NAV2: variants seen among roughly 807,000 people sequenced by gnomAD.
NAV2 encodes the protein neuron navigator 2, also known as helicase, APC down-regulated 1.
A neutral mutation model predicts 223.2 loss-of-function variants in NAV2; 54 were observed. The ratio of observed to expected loss-of-function variants is 0.24; its 90% confidence interval spans 0.19 to 0.30. The LOEUF is 0.30. Among genes scored for constraint, NAV2 ranks in the 10% least tolerant of loss-of-function variants. NAV2 has a pLI of 1.00. For missense variants in NAV2, 2,806 were observed against 3,147.5 expected, an observed-to-expected ratio of 0.89 and a Z score of 2.60; for synonymous variants, 1,279 against 1,239.3, an observed-to-expected ratio of 1.03 and a Z score of -0.67.
chr11:19,902,424 A>G lies in NAV2; in HGVS notation c.931+9830A>G, dbSNP rs56262079. 4.1e-3 allele frequency among the ~76,000 whole-genome samples: 618 copies of G among 152,220 alleles called. 1 individual carries two copies. Among genetic ancestry groups the G allele is most frequent in the Non-Finnish European group, 6.9e-3 (471 of 68,032 alleles). On this transcript the variant is annotated intron_variant, in intron 6 of 37. Coordinates refer to ENST00000349880, the MANE Select transcript of NAV2 (RefSeq NM_145117.5). The stretch of plus-strand genomic sequence containing the variant: ...TAAATATGGATACATTTCAAAACCA[A>G]TGTGTGAACTTATGGTTCTGCTATA...
intron 1 of NAV2, among the ~76,000 whole-genome samples, chr11:19,756,754 C>T (rs896183727): frequency 3.9e-5 from 6 of 152,224 alleles, no homozygotes; most frequent in Non-Finnish European, 5.9e-5. Context: ...AACAAATCTG[C>T]TCCTGCTGGG....
At chr11:19,463,110 G>T (rs953869718) in intron 1 of NAV2, among the ~76,000 whole-genome samples, 32 of 152,158 alleles carry the variant, frequency 2.1e-4, no homozygotes, top group African/African-American at 7.5e-4. Context: ...TCCAGGTCTG[G>T]ATTTGTTGTC....
At chr11:20,052,268 G>C (rs2058062136) in intron 17 of NAV2, among the ~76,000 whole-genome samples, 1 of 152,256 alleles carries the variant, frequency 6.6e-6, no homozygotes, top group Non-Finnish European at 1.5e-5. Flanking sequence ...ATTTTGAACA[G>C]TAATGTGAGG....
chr11:20,087,523 A>G (rs2019258), intron 26 of NAV2, among the ~76,000 whole-genome samples: 10,612 of 152,202 alleles, frequency 0.07, 747 homozygotes, highest in African/African-American at 0.18. Flanking sequence ...GGCAAAAGGA[A>G]TGGTAGTTGT....
intron 1 of NAV2, among the ~76,000 whole-genome samples, chr11:19,455,240 T>C: frequency 6.8e-6 from 1 of 147,064 alleles, no homozygotes; most frequent in Non-Finnish European, 1.5e-5. Context: ...ACTTGGGTGA[T>C]ATAATGTAAT....
intron 2 of NAV2, among the ~76,000 whole-genome samples, chr11:19,833,325 A>G (rs907409892): frequency 3.9e-5 from 6 of 152,186 alleles, no homozygotes; most frequent in African/African-American, 9.6e-5. Flanking sequence ...AGGAGAGGAC[A>G]GGGCCCAGCC....
intron 16 of NAV2, 21 bp downstream of exon 16, chr11:20,049,922 G>A (rs1234182412): frequency 6.2e-7 from 1 of 1,612,736 alleles, no homozygotes; most frequent in South Asian, 1.1e-5. Flanking sequence ...TGCAGGCCGG[G>A]GACCAACCGA....
intron 1 of NAV2, among the ~76,000 whole-genome samples, chr11:19,831,684 C>T (rs995084282): frequency 1.1e-4 from 16 of 152,062 alleles, no homozygotes; most frequent in African/African-American, 3.4e-4. Flanking sequence ...TGGCCTGTTT[C>T]GAAAGAAAAT....
At position 19,621,349 on chromosome 11, in the gene NAV2, C is replaced by T. The variant is rs574714308; in HGVS notation, c.76-211135C>T. Among the ~76,000 whole-genome samples, 507 of 152,264 alleles carry T rather than the reference C, an allele frequency of 3.3e-3. 6 individuals are homozygous for T. Among genetic ancestry groups the T allele is most frequent in the African/African-American group, 0.012 (487 of 41,540 alleles). On this transcript the variant is annotated intron_variant, in intron 1 of 37. Transcript: ENST00000360655. ...GGAATGGTACCAGCTCCTCCTTATA[C>T]CTCTGGTAGAATTCGGCTGTGAATC...
chr11:19,362,970 A>G (rs1351404648), intron 1 of NAV2, among the ~76,000 whole-genome samples: 1 of 152,200 alleles, frequency 6.6e-6, no homozygotes, highest in Non-Finnish European at 1.5e-5. Flanking sequence ...CTTTACAACA[A>G]TCTGATGATG....
chr11:19,745,910 G>A (rs1390213007), intron 1 of NAV2, among the ~76,000 whole-genome samples: 1 of 152,162 alleles, frequency 6.6e-6, no homozygotes, highest in African/African-American at 2.4e-5. Flanking sequence ...AAGGTCTGGG[G>A]ACCCCTGACA....
intron 1 of NAV2, among the ~76,000 whole-genome samples, chr11:19,427,984 A>T (rs935087519): frequency 6.0e-5 from 9 of 151,234 alleles, no homozygotes; most frequent in Non-Finnish European, 1.0e-4. Context: ...TGTTTGGGGT[A>T]TTTTTTTTAA....
intron 1 of NAV2, among the ~76,000 whole-genome samples, chr11:19,541,486 G>T (rs138854807): frequency 6.6e-6 from 1 of 152,238 alleles, no homozygotes; most frequent in Non-Finnish European, 1.5e-5. Flanking sequence ...CCAGCCGATG[G>T]TTGGCAAATG....
chr11:19,735,823 T>G (rs1467590107), intron 1 of NAV2, among the ~76,000 whole-genome samples: 5 of 152,184 alleles, frequency 3.3e-5, no homozygotes, highest in African/African-American at 1.2e-4. Context: ...CACTTTTTTT[T>G]TCCCCGTGGT....
chr11:20,112,532 G>C (rs918545413), intron 36 of NAV2, among the ~76,000 whole-genome samples: 2 of 152,226 alleles, frequency 1.3e-5, no homozygotes, highest in African/African-American at 4.8e-5. Context: ...GGCACAGACA[G>C]TCATGGGAGT....
chr11:19,758,520 T>C (rs2054429846), intron 1 of NAV2, among the ~76,000 whole-genome samples: 1 of 152,122 alleles, frequency 6.6e-6, no homozygotes, highest in East Asian at 1.9e-4. Context: ...TAAGAGGCAG[T>C]GCGGGGGACC....
At chr11:19,655,565 A>G (rs190567151) in intron 1 of NAV2, among the ~76,000 whole-genome samples, 2 of 152,128 alleles carry the variant, frequency 1.3e-5, no homozygotes, top group South Asian at 2.1e-4. Flanking sequence ...TGCAGCCAAA[A>G]AAAGGATGAG....
intron 1 of NAV2, among the ~76,000 whole-genome samples, chr11:19,634,053 AC>A (rs1413679653): frequency 2.0e-5 from 3 of 152,172 alleles, no homozygotes; most frequent in Non-Finnish European, 4.4e-5. Flanking sequence ...AGGCTTCCAA[AC>A]TTTTTCTTGC....
chr11:19,412,480 C>T (rs1400688359), intron 1 of NAV2, among the ~76,000 whole-genome samples: 2 of 151,120 alleles, frequency 1.3e-5, no homozygotes, highest in Non-Finnish European at 2.9e-5. Flanking sequence ...GGGGAAGGGG[C>T]GGCTGTGGGC....
Sources: gnomAD v4.1 joint callset for allele counts (sites outside exome capture counted in the v4.1 genomes callset) on GRCh38, gnomAD v4.1.1 for gene constraint, MANE v1.5 for transcripts, NCBI Gene and HGNC (gene_info 2026-07-23, HGNC 2026-07-21) for gene names.